FAF1: variants seen among roughly 807,000 people sequenced by gnomAD.
FAF1 encodes the protein FAS-associated factor 1.
In FAF1, 25 loss-of-function variants were observed where a neutral mutation model predicts 92.5. That is an observed-to-expected ratio of 0.27 (90% CI 0.20 to 0.38). The LOEUF (loss-of-function observed/expected upper bound fraction) is 0.38, where lower values mean the gene tolerates loss of function less well. FAF1 is among the 10% of genes least tolerant of loss of function. The probability of loss-of-function intolerance (pLI) is 1.00; values close to 1 mark genes in which losing one functional copy is unlikely to be tolerated. For synonymous variants in FAF1, 234 were observed against 273.2 expected (o/e 0.86, Z 1.42); for missense variants, 636 against 793.3 (o/e 0.80, Z 2.38).
intron 1 of FAF1, among the ~76,000 whole-genome samples, chr1:50,928,887 C>T (rs1570151853): frequency 6.6e-6 from 1 of 151,202 alleles, no homozygotes; most frequent in African/African-American, 2.4e-5. Context: ...GGATCGAGAC[C>T]AGCCTGGCCA....
At chr1:50,637,211 G>A (rs989951866) in intron 8 of FAF1, among the ~76,000 whole-genome samples, 1 of 150,170 alleles carries the variant, frequency 6.7e-6, no homozygotes, top group Non-Finnish European at 1.5e-5. Flanking sequence ...CAAGGCAGGT[G>A]GATCACCTGA....
intron 7 of FAF1, among the ~76,000 whole-genome samples, chr1:50,656,649 G>A (rs773687219): frequency 5.3e-5 from 8 of 151,998 alleles, no homozygotes; most frequent in African/African-American, 1.4e-4. Flanking sequence ...TTGGGAGGCC[G>A]AGGTGGGCAG....
At chr1:50,681,595 C>T (rs1293258285) in intron 7 of FAF1, among the ~76,000 whole-genome samples, 4 of 151,892 alleles carry the variant, frequency 2.6e-5, no homozygotes, top group East Asian at 1.9e-4. Context: ...GAAACCTCTG[C>T]CCCCCGAGTT....
rs538063206 is a variant in FAF1 at position 50,891,511 on chromosome 1, T to A, written c.46-33514A>T. On this transcript the variant is annotated intron_variant, in intron 1 of 18. Transcript: ENST00000396153. ...TGTGTTTTTATCTACCTTTGGTCTT[T>A]GATGATAGTGACATACAGATGAGGT... is the stretch of plus-strand genomic sequence containing the variant. Among the ~76,000 whole-genome samples, 10 of 152,330 alleles carry A rather than the reference T, an allele frequency of 6.6e-5. No individual in the cohort carries two copies. In the East Asian group the frequency reaches 1.7e-3, roughly 26 times the overall value.
intron 6 of FAF1, among the ~76,000 whole-genome samples, chr1:50,722,139 C>A (rs1658435851): frequency 6.6e-6 from 1 of 152,124 alleles, no homozygotes; most frequent in Admixed American, 6.6e-5. Flanking sequence ...CTCATCTATT[C>A]CTGAAAGAGC....
chr1:50,577,386 G>A (rs1045155247), intron 12 of FAF1, among the ~76,000 whole-genome samples: 1 of 152,106 alleles, frequency 6.6e-6, no homozygotes, highest in African/African-American at 2.4e-5. Flanking sequence ...TTAGCAGGGC[G>A]TGGTGGCACG....
chr1:50,630,603 T>C (rs1435776792), intron 8 of FAF1, among the ~76,000 whole-genome samples: 1 of 152,170 alleles, frequency 6.6e-6, no homozygotes, highest in African/African-American at 2.4e-5. Context: ...TATAAACTGA[T>C]AGTTAAGTAT....
intron 12 of FAF1, among the ~76,000 whole-genome samples, chr1:50,570,369 C>G (rs1263263071): frequency 6.6e-6 from 1 of 152,200 alleles, no homozygotes; most frequent in Non-Finnish European, 1.5e-5. Context: ...AACCCTTAAT[C>G]TTTCCTTTGT....
intron 18 of FAF1, among the ~76,000 whole-genome samples, chr1:50,454,667 G>A (rs1646331346): frequency 6.6e-6 from 1 of 152,230 alleles, no homozygotes; most frequent in Non-Finnish European, 1.5e-5. Flanking sequence ...AGTGTTTAAA[G>A]TGGAATGCAG....
intron 5 of FAF1, among the ~76,000 whole-genome samples, chr1:50,743,315 A>G (rs1285752790): frequency 6.6e-6 from 1 of 152,012 alleles, no homozygotes; most frequent in Admixed American, 6.6e-5. Flanking sequence ...AAGTTTTTAT[A>G]TTTTTATTTA....
At chr1:50,563,212 GCT>G (rs1199753923) in intron 13 of FAF1, among the ~76,000 whole-genome samples, 1 of 152,030 alleles carries the variant, frequency 6.6e-6, no homozygotes, top group Non-Finnish European at 1.5e-5. Flanking sequence ...TCTGTTTTTA[GCT>G]CTTTCTTTTA....
intron 2 of FAF1, among the ~76,000 whole-genome samples, chr1:50,855,203 T>C (rs961993787): frequency 1.4e-4 from 22 of 152,004 alleles, no homozygotes; most frequent in African/African-American, 5.1e-4. Flanking sequence ...TGTGTCTTAT[T>C]GATTTTTTAG....
At chr1:50,727,074 G>A (rs917481658) in intron 6 of FAF1, among the ~76,000 whole-genome samples, 1 of 152,112 alleles carries the variant, frequency 6.6e-6, no homozygotes, top group African/African-American at 2.4e-5. Context: ...TCTTCACTCT[G>A]CCCTTCACTT....
chr1:50,946,865 G>A (rs1645175724), intron 1 of FAF1, among the ~76,000 whole-genome samples: 1 of 152,256 alleles, frequency 6.6e-6, no homozygotes, highest in South Asian at 2.1e-4. Flanking sequence ...ATCTTTTAGA[G>A]TGGAAAGTAT....
At chr1:50,646,142 C>T (rs567373678) in intron 8 of FAF1, among the ~76,000 whole-genome samples, 2 of 152,268 alleles carry the variant, frequency 1.3e-5, no homozygotes, top group South Asian at 4.1e-4. Flanking sequence ...GAAGCTCAAA[C>T]ATTAAGTAAC....
chr1:50,960,121 C>G lies in FAF1; in HGVS notation c.-310G>C, dbSNP rs371286169. On this transcript the variant is annotated 5_prime_UTR_variant, in exon 1 of 19. Transcript: ENST00000396153. ...TTACAGTCGCGGGCCAGGATGAGGG[C>G]AGGTTGCGACAGCGCGCACCCGGAT... 2 of 376,618 alleles carry G rather than the reference C, an allele frequency of 5.3e-6. No homozygotes were observed. Among genetic ancestry groups the G allele is most frequent in the African/African-American group, 4.2e-5 (2 of 47,686 alleles). 23.3% of individuals were successfully genotyped at this position (376,618 alleles called of 1,614,324 possible). A position where few individuals can be genotyped will look rare whatever the true frequency, so the allele number is the denominator to read the frequency against.
At chr1:50,864,986 A>T (rs1031385927) in intron 1 of FAF1, among the ~76,000 whole-genome samples, 7 of 152,220 alleles carry the variant, frequency 4.6e-5, no homozygotes, top group African/African-American at 1.7e-4. Flanking sequence ...ACTCAAACAA[A>T]TTTACAAGAA....
chr1:50,887,120 C>G (rs1438529246), intron 1 of FAF1, among the ~76,000 whole-genome samples: 1 of 152,230 alleles, frequency 6.6e-6, no homozygotes, highest in Admixed American at 6.5e-5. Context: ...TTGCATTTCT[C>G]TGATGGCCAG....
At chr1:50,498,013 A>G (rs1004171800) in intron 15 of FAF1, among the ~76,000 whole-genome samples, 1 of 152,202 alleles carries the variant, frequency 6.6e-6, no homozygotes, top group African/African-American at 2.4e-5. Flanking sequence ...TTCAAAACTT[A>G]CTATAAAGCT....
Sources: allele counts gnomAD v4.1 joint callset (sites outside exome capture counted in the v4.1 genomes callset), GRCh38; gene constraint gnomAD v4.1.1; transcripts MANE v1.5; gene names NCBI Gene and HGNC (gene_info 2026-07-23, HGNC 2026-07-21).